Variants in CADPS observed in about 807,000 individuals in gnomAD.
The protein encoded by CADPS is calcium dependent secretion activator, also known as calcium-dependent secretion activator 1.
CADPS carries 57 observed loss-of-function variants against 167.3 expected under a neutral mutation model. The ratio of observed to expected loss-of-function variants is 0.34; its 90% CI spans 0.28 to 0.42. The LOEUF (loss-of-function observed/expected upper bound fraction) is 0.42, where lower values mean the gene tolerates loss of function less well. Ranked by LOEUF, CADPS falls within the 20% of genes least tolerant of loss-of-function variation. The pLI is 1.00. For synonymous variants in CADPS, 676 were observed against 635.3 expected (o/e 1.06, Z -0.96); for missense variants, 1,414 against 1,738.1 (o/e 0.81, Z 3.32).
rs1212818484 is a variant in CADPS at position 62,649,541 on chromosome 3, G to GTTTTTTTTTTTTTT, written c.1203+1305_1203+1306insAAAAAAAAAAAAAA. 4.0e-4 allele frequency among the ~76,000 whole-genome samples: 30 copies of GTTTTTTTTTTTTTT among 75,002 alleles called. 1 individual carries two copies. Among genetic ancestry groups the GTTTTTTTTTTTTTT allele is most frequent in the African/African-American group, 9.6e-4 (20 of 20,746 alleles). The allele number at this position is 75,002 out of a possible 152,430, so 49.2% of individuals were successfully genotyped here. On this transcript the variant is annotated intron_variant, in intron 5 of 29. Transcript: ENST00000383710. ...TATCAAGGGAATCATACAATATGTG[G>GTTTTTTTTTTTTTT]TCTTTTTTTTTTTTTTTTTTTTTTT...
chr3:62,409,674 G>C (rs1329061946), intron 28 of CADPS, among the ~76,000 whole-genome samples: 2 of 152,196 alleles, frequency 1.3e-5, no homozygotes, highest in African/African-American at 2.4e-5. Context: ...TCAATTGCTA[G>C]TGGAAGAAAC....
intron 3 of CADPS, among the ~76,000 whole-genome samples, chr3:62,747,610 T>C (rs924487565): frequency 6.6e-6 from 1 of 152,198 alleles, no homozygotes; most frequent in African/African-American, 2.4e-5. Context: ...AATTGAATGT[T>C]AAGAAAATTA....
chr3:62,852,610 A>AT (rs1024775288), intron 1 of CADPS, among the ~76,000 whole-genome samples: 3 of 152,036 alleles, frequency 2.0e-5, no homozygotes, highest in African/African-American at 7.2e-5. Flanking sequence ...AAAAGAAAAA[A>AT]AAAAAAGCTG....
At chr3:62,854,952 A>G (rs1348485690) in intron 1 of CADPS, among the ~76,000 whole-genome samples, 1 of 152,056 alleles carries the variant, frequency 6.6e-6, no homozygotes, top group Admixed American at 6.6e-5. Flanking sequence ...TTGGAAACAG[A>G]GTCTCACTGT....
At chr3:62,542,989 A>T (rs937975391) in intron 11 of CADPS, among the ~76,000 whole-genome samples, 1 of 152,194 alleles carries the variant, frequency 6.6e-6, no homozygotes, top group African/African-American at 2.4e-5. Context: ...ATCTTACTAT[A>T]ACTCACTATA....
intron 1 of CADPS, among the ~76,000 whole-genome samples, chr3:62,845,850 T>A (rs1179548061): frequency 1.3e-5 from 2 of 152,180 alleles, no homozygotes; most frequent in African/African-American, 4.8e-5. Context: ...TTTCCTGTGC[T>A]TTGATAGTTA....
intron 6 of CADPS, among the ~76,000 whole-genome samples, chr3:62,603,295 A>G (rs1264437409): frequency 6.6e-6 from 1 of 152,218 alleles, no homozygotes; most frequent in Non-Finnish European, 1.5e-5. Flanking sequence ...AAATTTAACA[A>G]TGCTTGATTA....
chr3:62,606,828 C>A (rs1450030067), intron 6 of CADPS, among the ~76,000 whole-genome samples: 1 of 152,190 alleles, frequency 6.6e-6, no homozygotes, highest in East Asian at 1.9e-4. Context: ...ATCCTTTCAG[C>A]CTGGATCCCA....
intron 6 of CADPS, among the ~76,000 whole-genome samples, chr3:62,617,935 T>G (rs978496034): frequency 2.0e-5 from 3 of 152,168 alleles, no homozygotes; most frequent in African/African-American, 7.2e-5. Flanking sequence ...ATTCAAATTC[T>G]TCTTTGGGAC....
intron 6 of CADPS, among the ~76,000 whole-genome samples, chr3:62,606,522 C>T (rs954031545): frequency 3.3e-5 from 5 of 152,140 alleles, no homozygotes; most frequent in African/African-American, 1.2e-4. Context: ...AGATTCAGCC[C>T]CTTGACCTTG....
At chr3:62,726,662 A>C (rs2076802964) in intron 3 of CADPS, among the ~76,000 whole-genome samples, 1 of 151,966 alleles carries the variant, frequency 6.6e-6, no homozygotes, top group Non-Finnish European at 1.5e-5. Flanking sequence ...TGAGTGACCC[A>C]TTAAGTGTAT....
intron 1 of CADPS, among the ~76,000 whole-genome samples, chr3:62,812,244 C>A (rs1171981146): frequency 6.6e-6 from 1 of 152,078 alleles, no homozygotes; most frequent in Non-Finnish European, 1.5e-5. Context: ...TACTTTCCTG[C>A]ATGTGTACAT....
chr3:62,770,373 G>A (rs924930555), intron 1 of CADPS, among the ~76,000 whole-genome samples: 8 of 152,126 alleles, frequency 5.3e-5, no homozygotes, highest in African/African-American at 1.9e-4. Context: ...ATTATAACAT[G>A]TACCCAGAAA....
intron 6 of CADPS, among the ~76,000 whole-genome samples, chr3:62,634,007 G>T (rs1448306574): frequency 4.6e-5 from 7 of 152,184 alleles, no homozygotes; most frequent in Admixed American, 1.3e-4. Context: ...TTGACTTGAG[G>T]TTAGTGGGAA....
At chr3:62,835,391 G>T (rs2075752050) in intron 1 of CADPS, among the ~76,000 whole-genome samples, 1 of 152,108 alleles carries the variant, frequency 6.6e-6, no homozygotes, top group Admixed American at 6.6e-5. Context: ...TTTCATCCAG[G>T]TATTCATATA....
At chr3:62,555,117 C>T (rs941983200) in intron 10 of CADPS, among the ~76,000 whole-genome samples, 1 of 152,140 alleles carries the variant, frequency 6.6e-6, no homozygotes, top group Non-Finnish European at 1.5e-5. Context: ...ATTTAAGTCT[C>T]CGTTTTCAAT....
chr3:62,532,129 G>C (rs2073824682), intron 13 of CADPS, among the ~76,000 whole-genome samples: 1 of 152,202 alleles, frequency 6.6e-6, no homozygotes, highest in South Asian at 2.1e-4. Flanking sequence ...TCCTTCTGCA[G>C]GACATTTGTA....
At chr3:62,866,801 CTAACA>C (rs1307035880) in intron 1 of CADPS, among the ~76,000 whole-genome samples, 1 of 152,016 alleles carries the variant, frequency 6.6e-6, no homozygotes. Context: ...TTTTAAGCAA[CTAACA>C]TGTTTTTTCT....
intron 9 of CADPS, among the ~76,000 whole-genome samples, chr3:62,558,802 T>C (rs17066583): frequency 0.01 from 1,596 of 152,298 alleles, 21 homozygotes; most frequent in African/African-American, 0.036. Context: ...CTTTATAATG[T>C]ATAGGGTTTG....
Sources: allele counts gnomAD v4.1 joint callset (sites outside exome capture counted in the v4.1 genomes callset), GRCh38; gene constraint gnomAD v4.1.1; transcripts MANE v1.5; gene names NCBI Gene and HGNC (gene_info 2026-07-23, HGNC 2026-07-21).